Variants in FCHSD2 observed in about 807,000 individuals in gnomAD.
FCHSD2 encodes F-BAR and double SH3 domains protein 2.
FCHSD2 carries 38 observed loss-of-function variants against 108.1 expected under a neutral mutation model. The observed-to-expected ratio is 0.35, with a 90% CI of 0.27 to 0.46. FCHSD2 has a LOEUF of 0.46. Among genes scored for constraint, FCHSD2 ranks in the 20% least tolerant of loss-of-function variants. FCHSD2 has a pLI of 1.00. For missense variants in FCHSD2, 751 were observed against 897.8 expected, an observed-to-expected ratio of 0.84 and a Z score of 2.09; for synonymous variants, 279 against 314.7, an observed-to-expected ratio of 0.89 and a Z score of 1.20.
intron 3 of FCHSD2, among the ~76,000 whole-genome samples, chr11:73,021,924 T>G (rs1858118806): frequency 6.6e-6 from 1 of 151,394 alleles, no homozygotes; most frequent in Non-Finnish European, 1.5e-5. Flanking sequence ...TAAAAAAAAT[T>G]TTCCAGGCCT....
intron 3 of FCHSD2, among the ~76,000 whole-genome samples, chr11:73,039,518 A>AG (rs72054328): frequency 2.2e-5 from 1 of 45,378 alleles, no homozygotes; most frequent in Non-Finnish European, 5.5e-5. Context: ...CTCCGTCTCC[A>AG]AAAAAAAAAA....
At chr11:73,069,187 T>A (rs1158376449) in intron 3 of FCHSD2, among the ~76,000 whole-genome samples, 1 of 151,660 alleles carries the variant, frequency 6.6e-6, no homozygotes, top group Non-Finnish European at 1.5e-5. Flanking sequence ...GGCATGCACC[T>A]GTAGTCCCAG....
At chr11:73,136,821 G>A (rs1418448561) in intron 2 of FCHSD2, among the ~76,000 whole-genome samples, 1 of 152,128 alleles carries the variant, frequency 6.6e-6, no homozygotes, top group African/African-American at 2.4e-5. Flanking sequence ...CTTGAGGTCA[G>A]GAGTTCAAAA....
At chr11:72,917,761 G>C (rs1855903104) in intron 9 of FCHSD2, among the ~76,000 whole-genome samples, 1 of 152,110 alleles carries the variant, frequency 6.6e-6, no homozygotes, top group East Asian at 1.9e-4. Context: ...GGTGGCATAT[G>C]CCTGTAATTC....
At chr11:72,942,394 C>T (rs1039910476) in intron 8 of FCHSD2, among the ~76,000 whole-genome samples, 1 of 152,186 alleles carries the variant, frequency 6.6e-6, no homozygotes, top group Non-Finnish European at 1.5e-5. Context: ...TATTACCCAG[C>T]CTTGTGTATT....
At chr11:72,996,039 T>C (rs1380205090) in intron 5 of FCHSD2, among the ~76,000 whole-genome samples, 1 of 152,000 alleles carries the variant, frequency 6.6e-6, no homozygotes, top group Admixed American at 6.6e-5. Flanking sequence ...GAACAATTAA[T>C]TAGGAAATTG....
chr11:72,992,167 T>C (rs1192924473), intron 5 of FCHSD2, among the ~76,000 whole-genome samples: 7 of 152,088 alleles, frequency 4.6e-5, no homozygotes, highest in East Asian at 1.9e-4. Flanking sequence ...TCACAACTGC[T>C]TCAAAGAGAA....
intron 8 of FCHSD2, among the ~76,000 whole-genome samples, chr11:72,945,989 G>A (rs530342350): frequency 3.0e-4 from 46 of 152,246 alleles, no homozygotes; most frequent in Middle Eastern, 3.4e-3. Flanking sequence ...TCAGTGTGGC[G>A]ATTCCTCAGG....
chr11:72,910,491 C>G (rs1489229372), intron 9 of FCHSD2, among the ~76,000 whole-genome samples: 1 of 152,250 alleles, frequency 6.6e-6, no homozygotes, highest in Non-Finnish European at 1.5e-5. Context: ...AAAAATTCTT[C>G]TGCCTTGGGA....
In FCHSD2 at chr11:72,838,753, G is replaced by A. The variant is rs1238029156; in HGVS notation, c.*38C>T. On this transcript the variant is annotated 3_prime_UTR_variant, in exon 20 of 20. Coordinates refer to ENST00000409418, the MANE Select transcript of FCHSD2 (RefSeq NM_014824.3). Reference sequence around the variant, plus strand: ...CAAGACTGGCCAAACTCCAAGCCTGGCCTTGATTGTAGCAGTAATGGATGG... The same window carrying A: ...CAAGACTGGCCAAACTCCAAGCCTGACCTTGATTGTAGCAGTAATGGATGG... The A allele has an allele frequency of 2.0e-6, 3 of 1,532,764 alleles. No individual in the cohort carries two copies. In the Admixed American group the frequency reaches 5.7e-5, roughly 29 times the overall value. The allele number at this position is 1,532,764 out of a possible 1,614,324, so 94.9% of individuals were successfully genotyped here. A position where few individuals can be genotyped will look rare whatever the true frequency, so the allele number is the denominator to read the frequency against.
chr11:73,034,910 T>C (rs948588863), intron 3 of FCHSD2, among the ~76,000 whole-genome samples: 1 of 152,190 alleles, frequency 6.6e-6, no homozygotes, highest in Non-Finnish European at 1.5e-5. Context: ...GGGTGCAAAG[T>C]AGTACCTTTA....
chr11:72,910,382 A>T (rs957452760), intron 9 of FCHSD2, among the ~76,000 whole-genome samples: 4 of 152,206 alleles, frequency 2.6e-5, no homozygotes, highest in African/African-American at 9.7e-5. Flanking sequence ...TTTTGTCGAA[A>T]AGAAAAGGGG....
intron 2 of FCHSD2, among the ~76,000 whole-genome samples, chr11:73,131,687 A>C (rs1028332833): frequency 6.6e-6 from 1 of 151,734 alleles, no homozygotes; most frequent in Non-Finnish European, 1.5e-5. Context: ...CTAGGCAACA[A>C]ACCAAGACTA....
At chr11:73,040,131 A>G (rs1343348899) in intron 3 of FCHSD2, among the ~76,000 whole-genome samples, 2 of 152,246 alleles carry the variant, frequency 1.3e-5, no homozygotes, top group Non-Finnish European at 2.9e-5. Context: ...AATGTTACAC[A>G]AAGGCTGAGT....
At chr11:72,849,542 G>A (rs1361391507) in intron 14 of FCHSD2, among the ~76,000 whole-genome samples, 1 of 152,168 alleles carries the variant, frequency 6.6e-6, no homozygotes, top group Non-Finnish European at 1.5e-5. Flanking sequence ...AACCAACTGA[G>A]ATTTGGGGAA....
intron 9 of FCHSD2, among the ~76,000 whole-genome samples, chr11:72,921,067 C>A (rs536070044): frequency 2.7e-5 from 4 of 150,286 alleles, no homozygotes; most frequent in Non-Finnish European, 5.9e-5. Context: ...TTCTCACTCT[C>A]CCTGACAAAA....
At chr11:73,137,809 G>A (rs1354041169) in intron 2 of FCHSD2, among the ~76,000 whole-genome samples, 3 of 152,226 alleles carry the variant, frequency 2.0e-5, no homozygotes, top group Non-Finnish European at 4.4e-5. Context: ...AGAGCAGGGG[G>A]AAGAAAGAGG....
chr11:72,842,610 C>G lies in FCHSD2; in HGVS notation c.1926+11G>C, dbSNP rs1319957820. 6.2e-7 allele frequency: 1 copy of G among 1,613,974 alleles called. No homozygotes were observed. The highest frequency in any genetic ancestry group is 1.1e-5 in the South Asian group (1 of 91,076). ...ACATCTTTTAATTCAACTGTCTCCCCTCTCAGGTACCTGAATCTCTCTCAT... is the reference window on the plus strand; with the variant it reads ...ACATCTTTTAATTCAACTGTCTCCCGTCTCAGGTACCTGAATCTCTCTCAT... On this transcript the variant is annotated intron_variant, in intron 17 of 19. Transcript: ENST00000409418.
chr11:72,852,326 A>G (rs1591341882), intron 13 of FCHSD2, among the ~76,000 whole-genome samples: 1 of 152,162 alleles, frequency 6.6e-6, no homozygotes, highest in Non-Finnish European at 1.5e-5. Flanking sequence ...TTCCTCAAAG[A>G]GCTAAAAACA....
Sources: gnomAD v4.1 joint callset for allele counts (sites outside exome capture counted in the v4.1 genomes callset) on GRCh38, gnomAD v4.1.1 for gene constraint, MANE v1.5 for transcripts, NCBI Gene and HGNC (gene_info 2026-07-23, HGNC 2026-07-21) for gene names.